ADAMTS12: variants seen among roughly 807,000 people sequenced by gnomAD.
ADAMTS12 encodes the protein ADAM metallopeptidase with thrombospondin type 1 motif 12, also known as A disintegrin and metalloproteinase with thrombospondin motifs 12.
In ADAMTS12, 118 loss-of-function variants were observed where a neutral mutation model predicts 167.8. That is an observed-to-expected ratio of 0.70 (90% CI 0.61 to 0.82). The LOEUF is 0.82. Ranked by LOEUF, ADAMTS12 falls within the 40% of genes least tolerant of loss-of-function variation. The probability of loss-of-function intolerance (pLI) is 0.00; values close to 1 mark genes in which losing one functional copy is unlikely to be tolerated. For missense variants in ADAMTS12, 1,916 were observed against 1,998.8 expected (o/e 0.96, Z 0.79); for synonymous variants, 704 against 716.9 (o/e 0.98, Z 0.29).
chr5:33,720,579 G>A (rs541479980), intron 3 of ADAMTS12, among the ~76,000 whole-genome samples: 1 of 152,320 alleles, frequency 6.6e-6, no homozygotes, highest in East Asian at 1.9e-4. Flanking sequence ...GCTGAGGTGA[G>A]CAGCAACAGT....
At chr5:33,889,185 A>T (rs1750755165) in intron 1 of ADAMTS12, among the ~76,000 whole-genome samples, 1 of 152,184 alleles carries the variant, frequency 6.6e-6, no homozygotes, top group South Asian at 2.1e-4. Flanking sequence ...ATGATGGCTC[A>T]TTCCTGTAAT....
intron 19 of ADAMTS12, among the ~76,000 whole-genome samples, chr5:33,568,083 T>A (rs919009153): frequency 6.6e-6 from 1 of 152,206 alleles, no homozygotes; most frequent in African/African-American, 2.4e-5. Flanking sequence ...TAGCATAAAA[T>A]CATGCTTGTA....
intron 2 of ADAMTS12, among the ~76,000 whole-genome samples, chr5:33,821,239 A>T (rs907142625): frequency 2.6e-5 from 4 of 152,166 alleles, no homozygotes; most frequent in African/African-American, 9.7e-5. Context: ...ATAATGTAAA[A>T]TTTTGAGTCA....
At chr5:33,698,954 C>T (rs1742886278) in intron 3 of ADAMTS12, among the ~76,000 whole-genome samples, 1 of 151,592 alleles carries the variant, frequency 6.6e-6, no homozygotes, top group Non-Finnish European at 1.5e-5. Context: ...GTCAGGAGTT[C>T]GAGACAAGCC....
At chr5:33,557,326 G>A (rs1199340473) in intron 20 of ADAMTS12, among the ~76,000 whole-genome samples, 5 of 152,090 alleles carry the variant, frequency 3.3e-5, no homozygotes, top group Admixed American at 2.0e-4. Flanking sequence ...TGATCAGTTC[G>A]GCAGAATCTA....
intron 3 of ADAMTS12, among the ~76,000 whole-genome samples, chr5:33,714,601 T>A (rs938079222): frequency 6.6e-6 from 1 of 151,782 alleles, no homozygotes; most frequent in Non-Finnish European, 1.5e-5. Flanking sequence ...ATATACATGA[T>A]GGAATACTAT....
intron 2 of ADAMTS12, among the ~76,000 whole-genome samples, chr5:33,874,897 G>A (rs866715798): frequency 3.3e-5 from 5 of 152,012 alleles, no homozygotes; most frequent in African/African-American, 7.2e-5. Flanking sequence ...GTGAAACCTC[G>A]TCTCTACTAA....
intron 2 of ADAMTS12, among the ~76,000 whole-genome samples, chr5:33,848,215 TAA>T (rs779843895): frequency 2.9e-5 from 4 of 140,234 alleles, no homozygotes; most frequent in Admixed American, 7.1e-5. Flanking sequence ...AGACTCTGTT[TAA>T]AAAAAAAAAA....
intron 20 of ADAMTS12, among the ~76,000 whole-genome samples, chr5:33,554,549 A>G (rs1308039508): frequency 6.6e-6 from 1 of 152,192 alleles, no homozygotes; most frequent in Non-Finnish European, 1.5e-5. Context: ...TACTCAGTGT[A>G]TGATTCATCT....
intron 5 of ADAMTS12, among the ~76,000 whole-genome samples, chr5:33,678,779 G>T (rs1299404219): frequency 6.6e-6 from 1 of 152,198 alleles, no homozygotes; most frequent in Non-Finnish European, 1.5e-5. Context: ...TATGATCAGA[G>T]TACCATTTTC....
intron 2 of ADAMTS12, among the ~76,000 whole-genome samples, chr5:33,837,681 A>C (rs1182610121): frequency 6.6e-6 from 1 of 152,212 alleles, no homozygotes; most frequent in Non-Finnish European, 1.5e-5. Context: ...ATTTTGTAAA[A>C]GAAAGCTTAA....
intron 2 of ADAMTS12, among the ~76,000 whole-genome samples, chr5:33,789,413 T>C (rs1414227646): frequency 6.6e-6 from 1 of 152,228 alleles, no homozygotes; most frequent in Non-Finnish European, 1.5e-5. Flanking sequence ...CCATTGTCCA[T>C]GCCTCACTGC....
At chr5:33,705,858 T>G (rs1743183167) in intron 3 of ADAMTS12, among the ~76,000 whole-genome samples, 1 of 151,924 alleles carries the variant, frequency 6.6e-6, no homozygotes, top group Non-Finnish European at 1.5e-5. Context: ...TGAAAAAGAA[T>G]TCAGGAAGGC....
At chr5:33,601,474 T>A (rs1738187635) in intron 16 of ADAMTS12, among the ~76,000 whole-genome samples, 1 of 152,128 alleles carries the variant, frequency 6.6e-6, no homozygotes, top group Non-Finnish European at 1.5e-5. Context: ...CCCTCTAAAA[T>A]TCTGCTTCCT....
intron 5 of ADAMTS12, among the ~76,000 whole-genome samples, chr5:33,668,571 C>T (rs937633786): frequency 6.6e-6 from 1 of 152,108 alleles, no homozygotes; most frequent in African/African-American, 2.4e-5. Context: ...TAGCACAATC[C>T]TCCAGGGTTC....
intron 2 of ADAMTS12, among the ~76,000 whole-genome samples, chr5:33,790,200 C>A (rs1746474305): frequency 6.6e-6 from 1 of 152,194 alleles, no homozygotes; most frequent in Non-Finnish European, 1.5e-5. Flanking sequence ...TAGAGCAGTT[C>A]CATCTCCCTT....
chr5:33,562,209 ACT>A (rs1230120123), intron 19 of ADAMTS12, among the ~76,000 whole-genome samples: 3 of 152,100 alleles, frequency 2.0e-5, no homozygotes, highest in African/African-American at 7.2e-5. Context: ...CTCAGATCAC[ACT>A]CGGAGTTAGA....
chr5:33,634,838 T>C (rs766485438), intron 12 of ADAMTS12, among the ~76,000 whole-genome samples: 32 of 152,014 alleles, frequency 2.1e-4, no homozygotes, highest in South Asian at 4.2e-4. Flanking sequence ...GTCATTGATG[T>C]TTTCTCTTTA....
Position 33,524,148 on chromosome 5 carries a change from G to T in ADAMTS12, c.*3040C>A, listed in dbSNP as rs1306915217. The T allele has an allele frequency of 1.3e-5, 2 of 152,320 alleles. No homozygotes were observed. Among genetic ancestry groups the T allele is most frequent in the African/African-American group, 4.8e-5 (2 of 41,442 alleles). 9.4% of individuals were successfully genotyped at this position (152,320 alleles called of 1,614,324 possible). ...GTCAGCGGAGACGTGGCTGTCTCAG[G>T]AGATTGGACGGAGGTGTGCTCTTCT... On this transcript the variant is annotated 3_prime_UTR_variant, in exon 24 of 24. Transcript: ENST00000504830.
Sources: allele counts gnomAD v4.1 joint callset (sites outside exome capture counted in the v4.1 genomes callset), GRCh38; gene constraint gnomAD v4.1.1; transcripts MANE v1.5; gene names NCBI Gene and HGNC (gene_info 2026-07-23, HGNC 2026-07-21).